GCG: variants seen among roughly 807,000 people sequenced by gnomAD.
GCG encodes pro-glucagon.
GCG carries 11 observed loss-of-function variants against 22.8 expected under a neutral mutation model. The observed-to-expected ratio is 0.48, with a 90% CI of 0.30 to 0.80. GCG has a LOEUF of 0.80. Among genes scored for constraint, GCG ranks in the 30% least tolerant of loss-of-function variants. The probability of loss-of-function intolerance (pLI) is 0.06; values close to 1 mark genes in which losing one functional copy is unlikely to be tolerated. For synonymous variants in GCG, 89 were observed against 72.4 expected (o/e 1.23, Z -1.16); for missense variants, 222 against 222.0 (o/e 1.00, Z 0.00).
intron 4 of GCG, 65 bp downstream of exon 4, chr2:162,145,475 A>G: frequency 7.5e-7 from 1 of 1,326,028 alleles, no homozygotes; most frequent in Non-Finnish European, 1.0e-6. Context: ...CCATATATAG[A>G]TAACTGTAGT....
At chr2:162,150,232 G>A (rs1686800358) in intron 1 of GCG, among the ~76,000 whole-genome samples, 1 of 152,110 alleles carries the variant, frequency 6.6e-6, no homozygotes, top group African/African-American at 2.4e-5. Flanking sequence ...ACCCAATGGT[G>A]TTTCCTTTGA....
chr2:162,147,463 G>T lies in GCG; in HGVS notation c.144C>A (p.Asn48Lys), dbSNP rs200220805. 1 of 1,612,924 alleles carries T rather than the reference G, an allele frequency of 6.2e-7. No homozygotes were observed. Among genetic ancestry groups the T allele is most frequent in the African/African-American group, 1.3e-5 (1 of 74,828 alleles). ...TGCCCTGTGAATGGCGCTTGTCCTC[G>T]TTCATCTGATCAGGATCACTGAGTG... ...ADPLSDPDQM[N>K]EDKRHSQGTF... is the part of the protein sequence containing the mutation. Residue 48 changes from asparagine to lysine, a missense_variant, in exon 3 of 6, where the codon AAC becomes AAA. Asn to Lys is a moderately conservative substitution (Grantham distance 94, BLOSUM62 0). Coordinates refer to ENST00000418842, the MANE Select transcript of GCG (RefSeq NM_002054.5).
At chr2:162,146,343 T>C (rs1369031265) in intron 3 of GCG, among the ~76,000 whole-genome samples, 1 of 152,112 alleles carries the variant, frequency 6.6e-6, no homozygotes, top group East Asian at 1.9e-4. Context: ...AGTTGTGGCA[T>C]TCCCATTCTA....
chr2:162,148,583 T>C (rs545677954), intron 2 of GCG, among the ~76,000 whole-genome samples: 1 of 152,264 alleles, frequency 6.6e-6, no homozygotes, highest in East Asian at 1.9e-4. Context: ...ATGTACAGTT[T>C]ACGTAAAACA....
At chr2:162,149,013 T>C (rs1686765623) in intron 2 of GCG, 74 bp downstream of exon 2, 1 of 843,120 alleles carries the variant, frequency 1.2e-6, no homozygotes, top group South Asian at 1.5e-5. Context: ...TGAGACCTTA[T>C]TCACTAATCA....
chr2:162,145,741 A>G, intron 3 of GCG, 64 bp from the exon 4 acceptor site: 1 of 1,422,108 alleles, frequency 7.0e-7, no homozygotes, highest in East Asian at 2.3e-5. Flanking sequence ...CTCACCTATA[A>G]GCAGTGGCAA....
chr2:162,151,918 GT>G (rs1206198263), intron 1 of GCG, among the ~76,000 whole-genome samples: 6 of 151,430 alleles, frequency 4.0e-5, no homozygotes, highest in Admixed American at 6.6e-5. Flanking sequence ...TTGAATCTTT[GT>G]TTTTTTTCTG....
At chr2:162,151,342 T>C (rs1018617282) in intron 1 of GCG, among the ~76,000 whole-genome samples, 1 of 152,150 alleles carries the variant, frequency 6.6e-6, no homozygotes, top group African/African-American at 2.4e-5. Flanking sequence ...TCATTTTATG[T>C]AATAGGTCTT....
At chr2:162,146,553 TCTCTC>T (rs1686689740) in intron 3 of GCG, among the ~76,000 whole-genome samples, 1 of 149,164 alleles carries the variant, frequency 6.7e-6, no homozygotes, top group Non-Finnish European at 1.5e-5. Context: ...TCTCTCTCTC[TCTCTC>T]TCTCTCTCTC....
intron 3 of GCG, 36 bp from the exon 4 acceptor site, chr2:162,145,713 C>T (rs1457777634): frequency 8.2e-6 from 13 of 1,594,498 alleles, no homozygotes; most frequent in Non-Finnish European, 9.4e-6. Context: ...GAAGATCTGT[C>T]TCTTTGGCAA....
intron 2 of GCG, among the ~76,000 whole-genome samples, chr2:162,148,820 A>G (rs1331869327): frequency 6.6e-6 from 1 of 152,130 alleles, no homozygotes; most frequent in Non-Finnish European, 1.5e-5. Context: ...TAATGAATTG[A>G]TAGATAGGAT....
At chr2:162,144,194 A>G in intron 4 of GCG, 24 bp from the exon 5 acceptor site, 1 of 1,585,352 alleles carries the variant, frequency 6.3e-7, no homozygotes, top group Non-Finnish European at 8.7e-7. Context: ...TGTTAAAATT[A>G]GCGTTTGATT....
intron 2 of GCG, 29 bp downstream of exon 2, chr2:162,149,058 A>G (rs1686766998): frequency 7.7e-7 from 1 of 1,299,368 alleles, no homozygotes; most frequent in African/African-American, 1.4e-5. Flanking sequence ...CCATATTGAT[A>G]TGTTAGTTCG....
chr2:162,147,500 G>A lies in GCG; in HGVS notation c.107C>T (p.Ser36Phe). Residue 36 changes from serine (S) to phenylalanine (F), a missense_variant, in exon 3 of 6, where the codon TCC becomes TTC. Coordinates refer to ENST00000418842, the MANE Select transcript of GCG (RefSeq NM_002054.5). ...TEEKSRSFSA[S>F]QADPLSDPDQ... is the part of the protein sequence containing the mutation. ...AGGATCACTGAGTGGGTCTGCCTGG[G>A]AAGCTGAGAATGATCTGTGAAGAAC... The A allele has an allele frequency of 6.2e-7, 1 of 1,613,124 alleles. No homozygotes were observed.
At chr2:162,149,323 G>T in intron 1 of GCG, 136 bp from the exon 2 acceptor site, 1 of 549,120 alleles carries the variant, frequency 1.8e-6, no homozygotes, top group Non-Finnish European at 3.2e-6. Context: ...CTTTTATTCT[G>T]ATTATATTTT....
At chr2:162,143,862 A>C (rs1398599404) in intron 5 of GCG, 165 bp downstream of exon 5, 1 of 654,792 alleles carries the variant, frequency 1.5e-6, no homozygotes, top group Admixed American at 2.6e-5. Flanking sequence ...ATGATACAAA[A>C]CAAACATAAT....
In GCG at chr2:162,143,218, C is replaced by T. The variant is rs116510735; in HGVS notation, c.*146G>A. The T allele has an allele frequency of 2.8e-3, 1,183 of 426,222 alleles. 24 individuals are homozygous for T. Among genetic ancestry groups the T allele is most frequent in the African/African-American group, 0.022 (1,082 of 48,912 alleles). 26.4% of individuals were successfully genotyped at this position (426,222 alleles called of 1,614,324 possible). On this transcript the variant is annotated 3_prime_UTR_variant, in exon 6 of 6. Coordinates refer to ENST00000418842, the MANE Select transcript of GCG (RefSeq NM_002054.5). Reference sequence around the variant, plus strand: ...TTATTCCATTTGTAATTTTTGGCTACACAACACTAAAAGAAAATTTATTTA... The same window carrying T: ...TTATTCCATTTGTAATTTTTGGCTATACAACACTAAAAGAAAATTTATTTA...
At chr2:162,146,151 T>C (rs1385286234) in intron 3 of GCG, among the ~76,000 whole-genome samples, 2 of 152,182 alleles carry the variant, frequency 1.3e-5, no homozygotes, top group East Asian at 3.9e-4. Context: ...ATGTGTGATC[T>C]GCTAGTAACA....
chr2:162,149,691 T>C (rs1686785840), intron 1 of GCG, among the ~76,000 whole-genome samples: 1 of 152,136 alleles, frequency 6.6e-6, no homozygotes, highest in Non-Finnish European at 1.5e-5. Context: ...ATACCAGCTG[T>C]CGGTTCAGAT....
Sources: allele counts gnomAD v4.1 joint callset (sites outside exome capture counted in the v4.1 genomes callset), GRCh38; gene constraint gnomAD v4.1.1; transcripts MANE v1.5; gene names NCBI Gene and HGNC (gene_info 2026-07-23, HGNC 2026-07-21).